The following CYB5R4 variants were observed in gnomAD, a reference collection of about 807,000 sequenced individuals.
CYB5R4 encodes the protein N-terminal cytochrome b5 and cytochrome b5 oxidoreductase domain-containing protein.
A neutral mutation model predicts 70.2 loss-of-function variants in CYB5R4; 55 were observed. The ratio of observed to expected loss-of-function variants is 0.78; its 90% CI spans 0.63 to 0.98. CYB5R4 has a LOEUF of 0.98. Ranked by LOEUF, CYB5R4 falls within the 50% of genes least tolerant of loss-of-function variation. The pLI, the probability that CYB5R4 is intolerant of heterozygous loss-of-function variation, is 0.00. For synonymous variants in CYB5R4, 197 were observed against 199.5 expected (o/e 0.99, Z 0.11); for missense variants, 562 against 612.6 (o/e 0.92, Z 0.87).
chr6:83,884,607 GTAAT>G (rs1468031363), intron 2 of CYB5R4, among the ~76,000 whole-genome samples: 1 of 152,116 alleles, frequency 6.6e-6, no homozygotes, highest in Non-Finnish European at 1.5e-5. Flanking sequence ...TTGACAGGAA[GTAAT>G]TACAATAATG....
chr6:83,875,396 A>G (rs1191178272), intron 2 of CYB5R4, among the ~76,000 whole-genome samples: 1 of 152,172 alleles, frequency 6.6e-6, no homozygotes, highest in Non-Finnish European at 1.5e-5. Flanking sequence ...CAGGATGTGC[A>G]GGACTTTTAA....
At chr6:83,916,232 T>C (rs1588575260) in intron 5 of CYB5R4, among the ~76,000 whole-genome samples, 1 of 152,252 alleles carries the variant, frequency 6.6e-6, no homozygotes, top group East Asian at 1.9e-4. Context: ...GAGGAAACAG[T>C]GGCTTGCATA....
intron 1 of CYB5R4, among the ~76,000 whole-genome samples, chr6:83,860,824 G>C (rs1018967924): frequency 6.6e-6 from 1 of 152,096 alleles, no homozygotes; most frequent in South Asian, 2.1e-4. Flanking sequence ...AAGTACTTAC[G>C]GGTGGCCGTG....
In CYB5R4 at chr6:83,964,966, A is replaced by G. The variant is rs2099473843; in HGVS notation, c.*5088A>G. 6.6e-6 allele frequency: 1 copy of G among 152,244 alleles called. No individual in the cohort carries two copies. The highest frequency in any genetic ancestry group is 1.5e-5 in the Non-Finnish European group (1 of 68,060). 9.4% of individuals were successfully genotyped at this position (152,244 alleles called of 1,614,324 possible). ...TGTGATGTTGAGCATGTGGGTGCACAGAAGTCAAGAAATGGGGTTTGGGAA... is the reference window on the plus strand; with the variant it reads ...TGTGATGTTGAGCATGTGGGTGCACGGAAGTCAAGAAATGGGGTTTGGGAA... On this transcript the variant is annotated 3_prime_UTR_variant, in exon 16 of 16. Coordinates refer to ENST00000369681, the MANE Select transcript of CYB5R4 (RefSeq NM_016230.4).
At chr6:83,917,037 A>G (rs148386414) in intron 5 of CYB5R4, among the ~76,000 whole-genome samples, 67 of 152,180 alleles carry the variant, frequency 4.4e-4, no homozygotes, top group African/African-American at 1.4e-3. Flanking sequence ...ATGCACTTCT[A>G]TTGTAGGGGG....
At chr6:83,935,892 G>A (rs1588581775) in intron 11 of CYB5R4, among the ~76,000 whole-genome samples, 3 of 151,602 alleles carry the variant, frequency 2.0e-5, no homozygotes, top group African/African-American at 2.4e-5. Flanking sequence ...TTTTGATGCC[G>A]TTTTTGTTGT....
At chr6:83,898,432 G>T (rs1399712493) in intron 3 of CYB5R4, among the ~76,000 whole-genome samples, 1 of 152,258 alleles carries the variant, frequency 6.6e-6, no homozygotes, top group Non-Finnish European at 1.5e-5. Flanking sequence ...GCTTAGGATT[G>T]ACTTGGCAAT....
At chr6:83,955,710 A>G (rs1185157259) in intron 15 of CYB5R4, among the ~76,000 whole-genome samples, 6 of 152,318 alleles carry the variant, frequency 3.9e-5, no homozygotes, top group South Asian at 2.1e-4. Flanking sequence ...ATGGCTGCCA[A>G]TATTGTTACA....
At chr6:83,937,455 T>C (rs916117762) in intron 12 of CYB5R4, among the ~76,000 whole-genome samples, 1 of 152,184 alleles carries the variant, frequency 6.6e-6, no homozygotes, top group African/African-American at 2.4e-5. Flanking sequence ...GTCTTACTTA[T>C]CTTTGTATTT....
Position 83,960,184 on chromosome 6 carries a change from T to C in CYB5R4, c.*306T>C, listed in dbSNP as rs1167481974. The C allele has an allele frequency of 9.4e-6, 2 of 213,128 alleles. No homozygotes were observed. Among genetic ancestry groups the C allele is most frequent in the Non-Finnish European group, 1.8e-5 (2 of 108,654 alleles). 13.2% of individuals were successfully genotyped at this position (213,128 alleles called of 1,614,324 possible). A position where few individuals can be genotyped will look rare whatever the true frequency, so the allele number is the denominator to read the frequency against. On this transcript the variant is annotated 3_prime_UTR_variant, in exon 16 of 16. Transcript: ENST00000369681. ...TATATCACTGTTCTACAATAAGCAC[T>C]TGTGTTTTATGACATGATAAAGTAA...
chr6:83,865,919 T>C (rs1184642182), intron 2 of CYB5R4, among the ~76,000 whole-genome samples: 2 of 152,216 alleles, frequency 1.3e-5, no homozygotes, highest in Non-Finnish European at 2.9e-5. Context: ...GAATGAGGAT[T>C]CTGGCAGGTG....
At position 83,908,995 on chromosome 6, in the gene CYB5R4, G is replaced by A. The variant is rs200274775; in HGVS notation, c.331-14G>A. The A allele has an allele frequency of 2.9e-4, 464 of 1,611,268 alleles. No individual in the cohort carries two copies. The Middle Eastern group carries it at 9.4e-3, about 33-fold the overall frequency. ...TAGTCATGTTGCTTTTCCATCATTT[G>A]TTTTACATACCAGGTTCATCGTTGG... is the stretch of plus-strand genomic sequence containing the variant. On this transcript the variant is annotated splice_polypyrimidine_tract_variant and intron_variant, in intron 3 of 15. Transcript: ENST00000369681.
chr6:83,922,379 T>G, intron 8 of CYB5R4, 59 bp from the exon 9 acceptor site: 1 of 1,380,748 alleles, frequency 7.2e-7, no homozygotes. Flanking sequence ...TGACATATGG[T>G]GTTCAAAAAC....
Position 83,955,451 on chromosome 6 carries a change from A to G in CYB5R4, c.1500A>G (p.Glu500=), listed in dbSNP as rs545781950. The G allele has an allele frequency of 6.2e-7, 1 of 1,613,590 alleles. No homozygotes were observed. Residue 500 remains glutamate, a synonymous_variant, in exon 15 of 16, where the codon GAA becomes GAG. Transcript: ENST00000369681. Reference sequence around the variant, plus strand: ...TTTGTGGACCAGTGCCATTTACAGAACAAGGAGTAAGGTGAGTAACAGTGT... The same window carrying G: ...TTTGTGGACCAGTGCCATTTACAGAGCAAGGAGTAAGGTGAGTAACAGTGT... ...VCICGPVPFT[E]QGVRLLHDLN...
intron 4 of CYB5R4, among the ~76,000 whole-genome samples, chr6:83,911,776 G>A (rs902500900): frequency 3.8e-4 from 57 of 151,998 alleles, no homozygotes; most frequent in African/African-American, 1.4e-3. Context: ...GGGTACGGTG[G>A]CTGACACCTG....
intron 7 of CYB5R4, among the ~76,000 whole-genome samples, chr6:83,919,952 G>A (rs753395059): frequency 1.3e-5 from 2 of 152,086 alleles, no homozygotes; most frequent in African/African-American, 4.8e-5. Flanking sequence ...ATTTGAAACT[G>A]AAGTTAGGGA....
At chr6:83,941,196 A>G (rs969319254) in intron 14 of CYB5R4, among the ~76,000 whole-genome samples, 1 of 152,216 alleles carries the variant, frequency 6.6e-6, no homozygotes, top group African/African-American at 2.4e-5. Flanking sequence ...TCAGTAGTGG[A>G]ATGGGACAGA....
At chr6:83,892,616 G>T (rs917620803) in intron 2 of CYB5R4, among the ~76,000 whole-genome samples, 4 of 152,098 alleles carry the variant, frequency 2.6e-5, no homozygotes, top group African/African-American at 7.2e-5. Context: ...TTGAATAGAT[G>T]AAAGAAATAT....
At chr6:83,861,552 C>G (rs2099455935) in intron 1 of CYB5R4, among the ~76,000 whole-genome samples, 1 of 152,198 alleles carries the variant, frequency 6.6e-6, no homozygotes, top group African/African-American at 2.4e-5. Context: ...CGTGGGTTTT[C>G]TCTGGGTACT....
Sources: gnomAD v4.1 joint callset for allele counts (sites outside exome capture counted in the v4.1 genomes callset) on GRCh38, gnomAD v4.1.1 for gene constraint, MANE v1.5 for transcripts, NCBI Gene and HGNC (gene_info 2026-07-23, HGNC 2026-07-21) for gene names.